GPHN: variants seen among roughly 807,000 people sequenced by gnomAD.
GPHN encodes the protein gephyrin.
GPHN carries 17 observed loss-of-function variants against 95.5 expected under a neutral mutation model. That is an observed-to-expected ratio of 0.18 (90% confidence interval 0.12 to 0.27). The LOEUF is 0.27. Ranked by LOEUF, GPHN falls within the 10% of genes least tolerant of loss-of-function variation. The pLI is 1.00. For missense variants in GPHN, 660 were observed against 978.1 expected (o/e 0.67, Z 4.34); for synonymous variants, 320 against 322.5 (o/e 0.99, Z 0.08).
chr14:67,125,253 T>G (rs142614666), intron 17 of GPHN, among the ~76,000 whole-genome samples: 1 of 152,280 alleles, frequency 6.6e-6, no homozygotes, highest in East Asian at 1.9e-4. Context: ...ATTGTTCTAA[T>G]GGAAATCTGT....
chr14:67,339,155 C>T, the GPHN span, among the ~76,000 whole-genome samples: 1 of 152,058 alleles, frequency 6.6e-6, no homozygotes, highest in African/African-American at 2.4e-5. Context: ...GCTGCCACAC[C>T]TGGCTAATTT....
the GPHN span, among the ~76,000 whole-genome samples, chr14:67,723,848 T>C: frequency 6.6e-6 from 1 of 152,268 alleles, no homozygotes; most frequent in South Asian, 2.1e-4. Context: ...GAGTGCTCTC[T>C]GCACAGAGGT....
chr14:67,293,784 G>A, the GPHN span, among the ~76,000 whole-genome samples: 1 of 152,152 alleles, frequency 6.6e-6, no homozygotes, highest in African/African-American at 2.4e-5. Context: ...CGGTTGGGAA[G>A]AATACAAAAT....
rs1362674343 is a variant in GPHN, at chr14:66,553,332, ACTTTCTAGTCAC to A, written c.64+44742_64+44753del. 8.5e-5 allele frequency among the ~76,000 whole-genome samples: 13 copies of A among 152,140 alleles called. No homozygotes were observed. In the East Asian group the frequency reaches 2.5e-3, roughly 29 times the overall value. ...TTGGTGTTTTTCATCATATTTGAGAACTTTCTAGTCACTATTTTTAAAATATTCTGCCCCAGT... is the reference window on the plus strand; with the variant it reads ...TTGGTGTTTTTCATCATATTTGAGAATATTTTTAAAATATTCTGCCCCAGT... On this transcript the variant is annotated intron_variant, in intron 1 of 22. Transcript: ENST00000478722.
the GPHN span, among the ~76,000 whole-genome samples, chr14:67,614,176 A>G: frequency 6.6e-6 from 1 of 152,108 alleles, no homozygotes; most frequent in Middle Eastern, 3.2e-3. Flanking sequence ...GGCTCAAGCA[A>G]TCTTCCTGCC....
the GPHN span, among the ~76,000 whole-genome samples, chr14:67,304,427 A>G: frequency 6.6e-6 from 1 of 152,210 alleles, no homozygotes; most frequent in Non-Finnish European, 1.5e-5. Flanking sequence ...CAAAGACAAA[A>G]TATGTATGTA....
chr14:66,834,525 G>A (rs1279847131), intron 4 of GPHN, among the ~76,000 whole-genome samples: 1 of 151,940 alleles, frequency 6.6e-6, no homozygotes, highest in African/African-American at 2.4e-5. Context: ...TGTGGTTTTT[G>A]TCTTTGGCTC....
At chr14:67,569,744 G>C in the GPHN span, 13 of 612,626 alleles carry the variant, frequency 2.1e-5, no homozygotes, top group Middle Eastern at 4.3e-4. Flanking sequence ...ACCACATGGA[G>C]ATCATGGTCC....
the GPHN span, among the ~76,000 whole-genome samples, chr14:67,675,093 C>T: frequency 6.6e-6 from 1 of 152,216 alleles, no homozygotes; most frequent in Non-Finnish European, 1.5e-5. Flanking sequence ...GACCCGAATT[C>T]CTCGTTTCGC....
chr14:67,661,611 C>T, the GPHN span, among the ~76,000 whole-genome samples: 1 of 147,842 alleles, frequency 6.8e-6, no homozygotes, highest in African/African-American at 2.5e-5. Context: ...TGGCTAACCA[C>T]ATGCTTGACC....
intron 10 of GPHN, among the ~76,000 whole-genome samples, chr14:67,051,504 T>C (rs1291644561): frequency 2.0e-5 from 3 of 152,066 alleles, no homozygotes; most frequent in African/African-American, 7.2e-5. Flanking sequence ...CTGAAAGAGA[T>C]GGGAGAATGG....
intron 2 of GPHN, among the ~76,000 whole-genome samples, chr14:66,748,459 TC>T (rs2058243556): frequency 6.6e-6 from 1 of 151,898 alleles, no homozygotes; most frequent in South Asian, 2.1e-4. Flanking sequence ...ATGCATAGCC[TC>T]CCCCATTATC....
chr14:67,161,667 G>A (rs953576448), intron 19 of GPHN, among the ~76,000 whole-genome samples: 6 of 151,990 alleles, frequency 3.9e-5, no homozygotes, highest in African/African-American at 9.7e-5. Flanking sequence ...AGGCTAAGGC[G>A]AGAGGATCAC....
intron 4 of GPHN, among the ~76,000 whole-genome samples, chr14:66,853,628 G>T (rs1031159022): frequency 6.6e-6 from 1 of 152,092 alleles, no homozygotes; most frequent in African/African-American, 2.4e-5. Flanking sequence ...AGAACCAATG[G>T]GGGAAGCACC....
At chr14:67,035,787 C>T (rs1176675982) in intron 10 of GPHN, among the ~76,000 whole-genome samples, 1 of 151,748 alleles carries the variant, frequency 6.6e-6, no homozygotes, top group Non-Finnish European at 1.5e-5. Flanking sequence ...TAAAGTAAAA[C>T]CCATGACCAG....
At chr14:66,563,361 T>C (rs547933054) in intron 1 of GPHN, among the ~76,000 whole-genome samples, 40 of 152,320 alleles carry the variant, frequency 2.6e-4, no homozygotes, top group African/African-American at 9.1e-4. Context: ...GATTCTTTTT[T>C]GATAGGTCTA....
intron 2 of GPHN, among the ~76,000 whole-genome samples, chr14:66,722,532 C>T (rs1595690983): frequency 6.6e-6 from 1 of 152,266 alleles, no homozygotes; most frequent in South Asian, 2.1e-4. Context: ...CAGCCTCAAA[C>T]TCCTGGGCTC....
intron 8 of GPHN, among the ~76,000 whole-genome samples, chr14:66,954,493 C>T (rs562495732): frequency 1.9e-4 from 29 of 152,270 alleles, no homozygotes; most frequent in Admixed American, 1.6e-3. Flanking sequence ...TCTACAACTT[C>T]GCTAAATTTG....
chr14:66,808,113 GT>G (rs2060620435), intron 3 of GPHN, among the ~76,000 whole-genome samples: 1 of 152,134 alleles, frequency 6.6e-6, no homozygotes, highest in Admixed American at 6.5e-5. Context: ...ATGTTTTTAA[GT>G]TTTTTCATTG....
Sources: gnomAD v4.1 joint callset for allele counts (sites outside exome capture counted in the v4.1 genomes callset) on GRCh38, gnomAD v4.1.1 for gene constraint, MANE v1.5 for transcripts, NCBI Gene and HGNC (gene_info 2026-07-23, HGNC 2026-07-21) for gene names.